AIG1: variants seen among roughly 807,000 people sequenced by gnomAD.
AIG1 encodes the protein androgen induced 1.
A neutral mutation model predicts 31.4 loss-of-function variants in AIG1; 23 were observed. That is an observed-to-expected ratio of 0.73 (90% CI 0.53 to 1.04). The LOEUF is 1.04. Among genes scored for constraint, AIG1 ranks in the 50% least tolerant of loss-of-function variants. The pLI is 0.00. For missense variants in AIG1, 274 were observed against 295.0 expected, an observed-to-expected ratio of 0.93 and a Z score of 0.52; for synonymous variants, 100 against 110.5, an observed-to-expected ratio of 0.90 and a Z score of 0.60.
At chr6:143,303,985 G>A (rs1467553105) in intron 4 of AIG1, among the ~76,000 whole-genome samples, 1 of 146,496 alleles carries the variant, frequency 6.8e-6, no homozygotes, top group East Asian at 2.2e-4. Context: ...TCTCTTTGAA[G>A]CAATTGTGAA....
intron 3 of AIG1, among the ~76,000 whole-genome samples, chr6:143,196,016 C>T (rs1790194343): frequency 6.6e-6 from 1 of 152,204 alleles, no homozygotes; most frequent in South Asian, 2.1e-4. Flanking sequence ...CTGGCCTTGG[C>T]TCCTTCTGAC....
chr6:143,295,438 C>T (rs1798358626), intron 4 of AIG1, among the ~76,000 whole-genome samples: 1 of 152,190 alleles, frequency 6.6e-6, no homozygotes, highest in Non-Finnish European at 1.5e-5. Flanking sequence ...GGGGGCCCTG[C>T]ATTACCGGAC....
rs1016482094 is a variant in AIG1 at position 143,330,966 on chromosome 6, G to A, written c.516-2316G>A. Among the ~76,000 whole-genome samples the A allele has an allele frequency of 1.1e-4, 16 of 152,156 alleles. No individual in the cohort carries two copies. Among genetic ancestry groups the A allele is most frequent in the African/African-American group, 3.9e-4 (16 of 41,446 alleles). ...TCTGCGGATTCTCACAACTGCTTCA[G>A]CTTTTCTAACAGAATCTTTGGACTA... is the stretch of plus-strand genomic sequence containing the variant. On this transcript the variant is annotated intron_variant, in intron 4 of 5. Transcript: ENST00000357847. This position sits in a 1 kb window ranked among gnomAD's most constrained non-coding sequence, Gnocchi z 4.4.
chr6:143,277,525 A>G (rs963505098), intron 3 of AIG1, among the ~76,000 whole-genome samples: 8 of 152,240 alleles, frequency 5.3e-5, no homozygotes, highest in Non-Finnish European at 1.0e-4. Context: ...GCACACTGCC[A>G]TCTTTTTATT....
chr6:143,176,942 A>C (rs2128580331), intron 3 of AIG1, among the ~76,000 whole-genome samples: 1 of 152,300 alleles, frequency 6.6e-6, no homozygotes, highest in East Asian at 1.9e-4. Context: ...GTGAGTCTCC[A>C]CACATGGCTT....
In AIG1 at chr6:143,291,592, A is replaced by G. The variant is rs1798062481; in HGVS notation, c.515+7367A>G. 6.6e-6 allele frequency among the ~76,000 whole-genome samples: 1 copy of G among 152,178 alleles called. No individual in the cohort carries two copies. The highest frequency in any genetic ancestry group is 6.5e-5 in the Admixed American group (1 of 15,278). Reference sequence around the variant, plus strand: ...TAAGCACAGGCAGTGAAGTCAGAAGATATTCATCCTTCTTCCATTTCCCCC... The same window carrying G: ...TAAGCACAGGCAGTGAAGTCAGAAGGTATTCATCCTTCTTCCATTTCCCCC... On this transcript the variant is annotated intron_variant, in intron 4 of 5. Coordinates refer to ENST00000357847, the MANE Select transcript of AIG1 (RefSeq NM_016108.4). This position sits in a 1 kb window ranked among gnomAD's most constrained non-coding sequence, Gnocchi z 4.2.
At chr6:143,181,210 T>C (rs1385583568) in intron 3 of AIG1, among the ~76,000 whole-genome samples, 1 of 152,092 alleles carries the variant, frequency 6.6e-6, no homozygotes, top group African/African-American at 2.4e-5. Context: ...TATTCTAAAG[T>C]AACTAAGATA....
At chr6:143,301,124 T>G (rs1330780158) in intron 4 of AIG1, among the ~76,000 whole-genome samples, 1 of 152,208 alleles carries the variant, frequency 6.6e-6, no homozygotes, top group East Asian at 1.9e-4. Flanking sequence ...GGCCATAAGT[T>G]GACTCTTGCT....
chr6:143,146,196 G>C (rs1027469973), intron 2 of AIG1, among the ~76,000 whole-genome samples: 1 of 151,428 alleles, frequency 6.6e-6, no homozygotes, highest in Non-Finnish European at 1.5e-5. Context: ...TACTCTCTCT[G>C]GGGAAAAAAA....
At chr6:143,205,888 C>A (rs1791072165) in intron 3 of AIG1, among the ~76,000 whole-genome samples, 1 of 152,210 alleles carries the variant, frequency 6.6e-6, no homozygotes, top group Admixed American at 6.5e-5. Flanking sequence ...TTATGGATAG[C>A]AGAAGTGCTT....
chr6:143,117,632 G>T (rs1781852004), intron 1 of AIG1, among the ~76,000 whole-genome samples: 1 of 152,114 alleles, frequency 6.6e-6, no homozygotes, highest in Admixed American at 6.5e-5. Flanking sequence ...TGGCTAACTG[G>T]AGTTCAAGGG....
At chr6:143,250,686 C>G (rs1794948386) in intron 3 of AIG1, among the ~76,000 whole-genome samples, 1 of 152,082 alleles carries the variant, frequency 6.6e-6, no homozygotes, top group African/African-American at 2.4e-5. Flanking sequence ...GACGCCGCTA[C>G]AAGCCAAGGA....
intron 3 of AIG1, among the ~76,000 whole-genome samples, chr6:143,274,360 G>A (rs1470650132): frequency 6.6e-6 from 1 of 152,142 alleles, no homozygotes; most frequent in Non-Finnish European, 1.5e-5. Context: ...TCTGTAAAAT[G>A]GAATTGATGA....
chr6:143,174,072 G>T (rs1315397573), intron 3 of AIG1, among the ~76,000 whole-genome samples: 1 of 152,180 alleles, frequency 6.6e-6, no homozygotes, highest in African/African-American at 2.4e-5. Flanking sequence ...GAACTCCAGT[G>T]TTAGATACAT....
At chr6:143,151,054 T>C (rs1785181282) in intron 2 of AIG1, among the ~76,000 whole-genome samples, 2 of 152,208 alleles carry the variant, frequency 1.3e-5, no homozygotes, top group Non-Finnish European at 2.9e-5. Context: ...AGTATATGTC[T>C]ATCTTTGAGT....
intron 3 of AIG1, among the ~76,000 whole-genome samples, chr6:143,197,390 C>T (rs1361662931): frequency 6.6e-6 from 1 of 152,106 alleles, no homozygotes; most frequent in Non-Finnish European, 1.5e-5. Flanking sequence ...TTTTGGGAGA[C>T]ACTGTTAGTA....
intron 4 of AIG1, among the ~76,000 whole-genome samples, chr6:143,302,132 A>G (rs1311182711): frequency 4.6e-5 from 7 of 152,150 alleles, no homozygotes; most frequent in Non-Finnish European, 8.8e-5. Flanking sequence ...TATAAAAACT[A>G]TGGAAGAAAA....
intron 4 of AIG1, among the ~76,000 whole-genome samples, chr6:143,319,008 C>G (rs1359928347): frequency 6.6e-6 from 1 of 152,072 alleles, no homozygotes; most frequent in African/African-American, 2.4e-5. Flanking sequence ...GAAAAGGGAA[C>G]ATTTTTACAC....
Position 143,152,195 on chromosome 6 carries a change from A to T in AIG1, c.298-12887A>T, listed in dbSNP as rs188049938. Among the ~76,000 whole-genome samples the T allele has an allele frequency of 7.4e-4, 112 of 152,288 alleles. 2 individuals carry two copies. The Middle Eastern group carries it at 0.024, about 33-fold the overall frequency. On this transcript the variant is annotated intron_variant, in intron 2 of 5. Transcript: ENST00000357847. ...TAGTCATCTAACATAGGATGCTTCTAAAAAAAGCACGGTTGATTTATTAAT... is the reference window on the plus strand; with the variant it reads ...TAGTCATCTAACATAGGATGCTTCTTAAAAAAGCACGGTTGATTTATTAAT...
Sources: allele counts gnomAD v4.1 joint callset (sites outside exome capture counted in the v4.1 genomes callset), GRCh38; gene constraint gnomAD v4.1.1; non-coding constraint Gnocchi (gnomAD v3.1); transcripts MANE v1.5; gene names NCBI Gene and HGNC (gene_info 2026-07-23, HGNC 2026-07-21).